The following GAS2L2 variants were observed in gnomAD, a reference collection of about 807,000 sequenced individuals.
GAS2L2 encodes the protein GAS2-like protein 2.
Under a neutral mutation model 35.2 loss-of-function variants are expected in GAS2L2, and 21 were observed. The ratio of observed to expected loss-of-function variants is 0.60; its 90% CI spans 0.42 to 0.86. The LOEUF is 0.86. Ranked by LOEUF, GAS2L2 falls within the 40% of genes least tolerant of loss-of-function variation. GAS2L2 has a pLI of 0.00. For synonymous variants in GAS2L2, 490 were observed against 473.2 expected, an observed-to-expected ratio of 1.04 and a Z score of -0.46; for missense variants, 1,169 against 1,144.4, an observed-to-expected ratio of 1.02 and a Z score of -0.31.
At chr17:35,749,964 G>A (rs965224107) in intron 2 of GAS2L2, 113 bp downstream of exon 2, 51 of 972,974 alleles carry the variant, frequency 5.2e-5, no homozygotes, top group Admixed American at 8.1e-5. Flanking sequence ...GGGTCAGGGT[G>A]GACAATGGAG....
At chr17:35,749,071 C>T (rs782496486) in intron 3 of GAS2L2, 39 bp downstream of exon 3, 1 of 1,354,406 alleles carries the variant, frequency 7.4e-7, no homozygotes, top group Non-Finnish European at 1.1e-6. Flanking sequence ...GGCAAGAAAC[C>T]CTATTCTGGG....
intron 3 of GAS2L2, among the ~76,000 whole-genome samples, chr17:35,748,573 G>A (rs587753496): frequency 6.6e-6 from 1 of 152,354 alleles, no homozygotes; most frequent in African/African-American, 2.4e-5. Flanking sequence ...ATTGGGGTAG[G>A]AGGCACATTT....
In GAS2L2 at chr17:35,746,314, G is replaced by A; in HGVS notation, c.1183C>T (p.Pro395Ser). ...QSSSTQKGRD[P>S]QCTSSGKREE... is the part of the protein sequence containing the mutation. The stretch of plus-strand genomic sequence containing the variant: ...CTCTTTCCTGACGAGGTACACTGTG[G>A]GTCTCGGCCTTTTTGGGTAGATGAG... Residue 395 changes from proline to serine, a missense_variant, in exon 6 of 6, where the codon CCA becomes TCA. Coordinates refer to ENST00000604641, the MANE Select transcript of GAS2L2 (RefSeq NM_139285.4). 7.1e-7 allele frequency: 1 copy of A among 1,403,396 alleles called. No individual in the cohort carries two copies. The highest frequency in any genetic ancestry group is 9.3e-7 in the Non-Finnish European group (1 of 1,073,812). The allele number at this position is 1,403,396 out of a possible 1,614,324, so 86.9% of individuals were successfully genotyped here.
At position 35,750,265 on chromosome 17, in the gene GAS2L2, C is replaced by A; in HGVS notation, c.439G>T (p.Val147Leu). The A allele has an allele frequency of 6.2e-7, 1 of 1,613,574 alleles. No homozygotes were observed. Among genetic ancestry groups the A allele is most frequent in the South Asian group, 1.1e-5 (1 of 91,066 alleles). ...CCCAGCTCCAGCAAACACAGCACCACGTTCTTCACGTTCTTGCGCAGCACC... is the reference window on the plus strand; with the variant it reads ...CCCAGCTCCAGCAAACACAGCACCAAGTTCTTCACGTTCTTGCGCAGCACC... ...DLVLRKNVKN[V>L]VLCLLELGRR... Residue 147 changes from valine to leucine, a missense_variant, in exon 2 of 6, where the codon GTG becomes TTG. Val to Leu is a conservative substitution (Grantham distance 32). Around this residue, in one of 3 missense-constraint regions of GAS2L2, gnomAD observed 1,035 missense variants for 976.5 expected, o/e 1.06. Transcript: ENST00000604641.
In GAS2L2 at chr17:35,752,815, C is replaced by T; in HGVS notation, c.36G>A (p.Arg12=). The change falls in exon 1 of 6, where the codon AGG becomes AGA. Residue 12 remains arginine (R), a synonymous_variant. Transcript: ENST00000604641. ...SQPAGGRRKP[R]TLGPPVCSIR... is the part of the protein sequence containing the mutation. ...TACTGCACACAGGCGGCCCTAGGGT[C>T]CTGGGCTTCCTCCTGCCTCCCGCAG... 1 of 1,603,890 alleles carries T rather than the reference C, an allele frequency of 6.2e-7. No individual in the cohort carries two copies. Among genetic ancestry groups the T allele is most frequent in the Non-Finnish European group, 8.5e-7 (1 of 1,172,514 alleles).
Position 35,753,166 on chromosome 17 carries a change from T to C in GAS2L2, c.-316A>G, listed in dbSNP as rs1407712260. Among the ~76,000 whole-genome samples the C allele has an allele frequency of 1.3e-5, 2 of 152,168 alleles. No individual in the cohort carries two copies. Among genetic ancestry groups the C allele is most frequent in the African/African-American group, 4.8e-5 (2 of 41,428 alleles). On this transcript the variant is annotated 5_prime_UTR_variant, in exon 1 of 6. Coordinates refer to ENST00000604641, the MANE Select transcript of GAS2L2 (RefSeq NM_139285.4). ...CCAGATGGAAGTGAGGACACTCCTC[T>C]CTTTCCCCAGAGCTGGAGAGATCAA...
intron 3 of GAS2L2, among the ~76,000 whole-genome samples, 189 bp from the exon 4 acceptor site, chr17:35,748,134 C>T (rs1196531360): frequency 2.0e-5 from 3 of 152,208 alleles, no homozygotes; most frequent in Non-Finnish European, 4.4e-5. Context: ...ATAACACATG[C>T]GGTCAAGGTG....
rs1555599543 is a variant in GAS2L2, at chr17:35,750,099, T to C, written c.605A>G (p.His202Arg). Residue 202 changes from histidine (H) to arginine (R), a missense_variant, in exon 2 of 6, where the codon CAC (histidine) becomes CGC (arginine). Around this residue, in one of 3 missense-constraint regions of GAS2L2, gnomAD observed 1,035 missense variants for 976.5 expected, o/e 1.06. Transcript: ENST00000604641. The stretch of plus-strand genomic sequence containing the variant: ...CACCATCTGGTCCAGGTTGCGGAAG[T>C]GGCAGGGCTGGCGCCTGGGGGGCGC... Reference protein sequence around the residue: ...PPAPPRRQPCHFRNLDQMVQS... With the variant: ...PPAPPRRQPCRFRNLDQMVQS... 2 of 1,579,292 alleles carry C rather than the reference T, an allele frequency of 1.3e-6. No individual in the cohort carries two copies. The highest frequency in any genetic ancestry group is 3.7e-5 in the Admixed American group (2 of 53,640).
In GAS2L2 at chr17:35,750,162, C is replaced by T. The variant is rs1284150717; in HGVS notation, c.542G>A (p.Arg181Gln). ...GTCGGGCGGGGGCAGGGCCAGCTCC[C>T]GCCGCACCTCCTCCTCGATCTCCTC... The part of the protein sequence containing the change: ...LEEEIEEEVR[R>Q]ELALPPPDPS... Residue 181 changes from arginine to glutamine, a missense_variant, in exon 2 of 6, where the codon CGG becomes CAG. This residue lies in a region of GAS2L2 where 1,035 missense variants were observed against 976.5 expected (regional missense o/e 1.06). Coordinates refer to ENST00000604641, the MANE Select transcript of GAS2L2 (RefSeq NM_139285.4). The T allele has an allele frequency of 1.2e-6, 2 of 1,611,312 alleles. No individual in the cohort carries two copies. The highest frequency in any genetic ancestry group is 2.2e-5 in the East Asian group (1 of 44,778).
intron 3 of GAS2L2, among the ~76,000 whole-genome samples, chr17:35,748,565 T>C (rs1555599342): frequency 6.6e-6 from 1 of 152,192 alleles, no homozygotes; most frequent in Non-Finnish European, 1.5e-5. Context: ...AGCCAGGTAT[T>C]GGGGTAGGAG....
At position 35,744,973 on chromosome 17, in the gene GAS2L2, C is replaced by T. The variant is rs587653293; in HGVS notation, c.2524G>A (p.Gly842Arg). 10 of 1,614,164 alleles carry T rather than the reference C, an allele frequency of 6.2e-6. No homozygotes were observed. In the South Asian group the frequency reaches 9.9e-5, roughly 16 times the overall value. Residue 842 changes from glycine (G) to arginine (R), a missense_variant, in exon 6 of 6, where the codon GGA (glycine) becomes AGA (arginine). By Grantham distance (125) the Gly-to-Arg change is moderately radical. Around this residue, in one of 3 missense-constraint regions of GAS2L2, gnomAD observed 1,035 missense variants for 976.5 expected, o/e 1.06. Transcript: ENST00000604641. ...GASVGEEEEE[G>R]KEEKEPAAPL... ...GCGGCTGGCTCTTTCTCCTCCTTTC[C>T]TTCCTCCTCCTCCTCACCTACTGAA...
At position 35,744,670 on chromosome 17, in the gene GAS2L2, T is replaced by C; in HGVS notation, c.*184A>G. ...CCCTGGCCTACCTCTGGAGTTGGAGTGAGAGCAGTGGGTTGCCCCTTTGCT... is the reference window on the plus strand; with the variant it reads ...CCCTGGCCTACCTCTGGAGTTGGAGCGAGAGCAGTGGGTTGCCCCTTTGCT... On this transcript the variant is annotated 3_prime_UTR_variant, in exon 6 of 6. Transcript: ENST00000604641. 1 of 591,752 alleles carries C rather than the reference T, an allele frequency of 1.7e-6. No individual in the cohort carries two copies. Among genetic ancestry groups the C allele is most frequent in the South Asian group, 2.2e-5 (1 of 45,514 alleles). The allele number at this position is 591,752 out of a possible 1,614,324, so 36.7% of individuals were successfully genotyped here.
intron 2 of GAS2L2, 32 bp downstream of exon 2, chr17:35,750,045 G>A (rs1555599528): frequency 3.1e-6 from 5 of 1,595,468 alleles, no homozygotes; most frequent in Non-Finnish European, 3.4e-6. Flanking sequence ...CAAAGGGAAG[G>A]GGGCCCTGAG....
intron 3 of GAS2L2, 77 bp from the exon 4 acceptor site, chr17:35,748,022 A>G: frequency 9.5e-7 from 1 of 1,057,978 alleles, no homozygotes; most frequent in Non-Finnish European, 1.4e-6. Flanking sequence ...GGCTTCCGGC[A>G]CTCACTCAGG....
Position 35,747,242 on chromosome 17 carries a change from G to A in GAS2L2, c.859C>T (p.Pro287Ser), listed in dbSNP as rs1555599140. Residue 287 changes from proline (P) to serine (S), a missense_variant, in exon 5 of 6, where the codon CCC becomes TCC. Physicochemically the swap from Pro to Ser is moderately conservative, Grantham distance 74 (BLOSUM62 -1). Transcript: ENST00000604641. ...LSHKPGSFLK[P>S]PAPPVQHEVR... is the part of the protein sequence containing the mutation. ...TCATGCTGCACTGGTGGGGCCGGGG[G>A]CTTCAGGAAGCTGCCTGGCTTGTGT... The A allele has an allele frequency of 5.6e-6, 9 of 1,612,188 alleles. No homozygotes were observed. The highest frequency in any genetic ancestry group is 6.8e-6 in the Non-Finnish European group (8 of 1,179,066).
rs782287283 is a variant in GAS2L2, at chr17:35,747,960, G to A, written c.736-15C>T. On this transcript the variant is annotated splice_polypyrimidine_tract_variant and intron_variant, in intron 3 of 5. Coordinates refer to ENST00000604641, the MANE Select transcript of GAS2L2 (RefSeq NM_139285.4). ...TTCCGGAGGATCTGAGGGGGCAAGG[G>A]TGAGGTTAAGGGCGGGGTGGAGGGC... The A allele has an allele frequency of 1.1e-5, 18 of 1,608,252 alleles. No homozygotes were observed. The highest frequency in any genetic ancestry group is 1.4e-5 in the Non-Finnish European group (16 of 1,175,614).
chr17:35,749,293 G>T, intron 2 of GAS2L2, 76 bp from the exon 3 acceptor site: 1 of 885,436 alleles, frequency 1.1e-6, no homozygotes, highest in Non-Finnish European at 1.8e-6. Flanking sequence ...TGCCCCCCAG[G>T]TCACCCCTGA....
Position 35,749,222 on chromosome 17 carries a change from G to C in GAS2L2, c.628-5C>G, listed in dbSNP as rs781836502. The C allele has an allele frequency of 6.2e-7, 1 of 1,602,584 alleles. No individual in the cohort carries two copies. Among genetic ancestry groups the C allele is most frequent in the Non-Finnish European group, 8.5e-7 (1 of 1,171,522 alleles). On this transcript the variant is annotated splice_polypyrimidine_tract_variant and splice_region_variant and intron_variant, in intron 2 of 5. Coordinates refer to ENST00000604641, the MANE Select transcript of GAS2L2 (RefSeq NM_139285.4). ...GTGGCTCACAAGGCTCTGCACCTGC[G>C]GGCGGGTGGTGAACTCAGCCCTCTC...
At chr17:35,746,795 T>C (rs2085671127) in intron 5 of GAS2L2, among the ~76,000 whole-genome samples, 1 of 152,176 alleles carries the variant, frequency 6.6e-6, no homozygotes, top group Non-Finnish European at 1.5e-5. Flanking sequence ...TCAGTAAGTC[T>C]GTTCCATTTC....
Sources: gnomAD v4.1 joint callset for allele counts (sites outside exome capture counted in the v4.1 genomes callset) on GRCh38, gnomAD v4.1.1 for gene constraint, gnomAD v4.1.1 regional missense constraint, MANE v1.5 for transcripts, NCBI Gene and HGNC (gene_info 2026-07-23, HGNC 2026-07-21) for gene names.